The following CDYL variants were observed in gnomAD, a reference collection of about 807,000 sequenced individuals.
CDYL encodes chromodomain Y-like protein.
A neutral mutation model predicts 47.3 loss-of-function variants in CDYL; 8 were observed. That is an observed-to-expected ratio of 0.17 (90% CI 0.10 to 0.31). The LOEUF is 0.31. Among genes scored for constraint, CDYL ranks in the 10% least tolerant of loss-of-function variants. The pLI, the probability that CDYL is intolerant of heterozygous loss-of-function variation, is 1.00. For synonymous variants in CDYL, 266 were observed against 265.0 expected (o/e 1.00, Z -0.04); for missense variants, 471 against 701.4 (o/e 0.67, Z 3.71).
intron 4 of CDYL, 50 bp downstream of exon 4, chr6:4,937,787 G>T (rs1305050976): frequency 1.4e-6 from 2 of 1,479,796 alleles, no homozygotes; most frequent in Non-Finnish European, 1.8e-6. Flanking sequence ...TTTGTTTTTG[G>T]TAAACCAATC....
chr6:4,729,911 G>A (rs1218774709), intron 2 of CDYL, among the ~76,000 whole-genome samples: 2 of 151,872 alleles, frequency 1.3e-5, no homozygotes, highest in African/African-American at 2.4e-5. Flanking sequence ...AAGTGAGACT[G>A]TGTCTCAAAA....
In CDYL at chr6:4,943,770, T is replaced by A. The variant is rs76863107; in HGVS notation, c.1332+14T>A. On this transcript the variant is annotated intron_variant, in intron 5 of 6. Coordinates refer to ENST00000397588, the MANE Select transcript of CDYL (RefSeq NM_004824.4). ...GGAGGAGCATCTGTGAGTACCTTTT[T>A]AAAAAAAAAAAAAAAAAGTCATTCT... is the stretch of plus-strand genomic sequence containing the variant. 29,064 of 1,173,010 alleles carry A rather than the reference T, an allele frequency of 0.025. 487 individuals carry two copies. Among genetic ancestry groups the A allele is most frequent in the African/African-American group, 0.061 (3,914 of 63,672 alleles). 72.7% of individuals were successfully genotyped at this position (1,173,010 alleles called of 1,614,324 possible).
rs1038489050 is a variant in CDYL at position 4,746,289 on chromosome 6, G to A, written c.186+11445G>A. ...TGAGACAGGAGAATCACTTGAACCC[G>A]GGAGGCGGAGGTTGCAATGAACCAA... On this transcript the variant is annotated intron_variant, in intron 3 of 8. Transcript: ENST00000328908. 4.0e-5 allele frequency among the ~76,000 whole-genome samples: 6 copies of A among 151,704 alleles called. No individual in the cohort carries two copies. The East Asian group carries it at 9.7e-4, about 25-fold the overall frequency.
chr6:4,912,800 A>C (rs968841792), intron 2 of CDYL, among the ~76,000 whole-genome samples: 2 of 152,144 alleles, frequency 1.3e-5, no homozygotes, highest in African/African-American at 4.8e-5. Flanking sequence ...CTTATGTGCC[A>C]GCTCAGCTCA....
chr6:4,784,049 CT>C (rs1758689018), intron 1 of CDYL, among the ~76,000 whole-genome samples: 1 of 151,900 alleles, frequency 6.6e-6, no homozygotes, highest in African/African-American at 2.4e-5. Flanking sequence ...GTTTTGTTTT[CT>C]TTTTATGTGC....
intron 1 of CDYL, among the ~76,000 whole-genome samples, chr6:4,826,689 C>T (rs1286282017): frequency 6.6e-6 from 1 of 152,130 alleles, no homozygotes; most frequent in Non-Finnish European, 1.5e-5. Flanking sequence ...TAATTTCTAG[C>T]TTCATTCCAC....
At chr6:4,824,423 C>T (rs772758240) in intron 1 of CDYL, among the ~76,000 whole-genome samples, 1 of 152,176 alleles carries the variant, frequency 6.6e-6, no homozygotes, top group Non-Finnish European at 1.5e-5. Context: ...TAGTCATCCT[C>T]ATAGATTTAA....
intron 1 of CDYL, among the ~76,000 whole-genome samples, chr6:4,845,223 T>G (rs974072326): frequency 6.6e-6 from 1 of 152,240 alleles, no homozygotes; most frequent in African/African-American, 2.4e-5. Context: ...GACAGTTGTT[T>G]GTTGAAAGTT....
chr6:4,950,310 G>A lies in CDYL; in HGVS notation c.1333-1956G>A, dbSNP rs141290694. Among the ~76,000 whole-genome samples, 385 of 152,298 alleles carry A rather than the reference G, an allele frequency of 2.5e-3. 2 individuals carry two copies. The highest frequency in any genetic ancestry group is 8.7e-3 in the African/African-American group (362 of 41,552). Reference sequence around the variant, plus strand: ...AGGCCTGGCGGGGTCGCTTGCCTCCGCTGCCCAAGCTAAGGCTCCACTAAG... The same window carrying A: ...AGGCCTGGCGGGGTCGCTTGCCTCCACTGCCCAAGCTAAGGCTCCACTAAG... On this transcript the variant is annotated intron_variant, in intron 5 of 6. Coordinates refer to ENST00000397588, the MANE Select transcript of CDYL (RefSeq NM_004824.4).
intron 1 of CDYL, among the ~76,000 whole-genome samples, chr6:4,785,015 C>T (rs233480): frequency 0.87 from 131,909 of 152,268 alleles, 57,205 homozygotes; most frequent in East Asian, 0.95. Flanking sequence ...TAATTAAACT[C>T]GTTTCCTTTA....
intron 2 of CDYL, chr6:4,724,480 T>G (rs1216085320): frequency 1.3e-5 from 2 of 152,688 alleles, no homozygotes; most frequent in African/African-American, 4.8e-5. Flanking sequence ...GCGTCCGGAA[T>G]CGGTGGGTTC....
In CDYL at chr6:4,927,004, C is replaced by G. The variant is rs190591339; in HGVS notation, c.692-8511C>G. Among the ~76,000 whole-genome samples, 6 of 152,112 alleles carry G rather than the reference C, an allele frequency of 3.9e-5. No individual in the cohort carries two copies. In the East Asian group the frequency reaches 1.2e-3, roughly 29 times the overall value. On this transcript the variant is annotated intron_variant, in intron 2 of 6. Coordinates refer to ENST00000397588, the MANE Select transcript of CDYL (RefSeq NM_004824.4). ...CAGCTGCTGTGATGCACTTATTGAC[C>G]CGTATTTTTAAAAATCTTCAGAAGC...
intron 1 of CDYL, among the ~76,000 whole-genome samples, chr6:4,884,758 G>A (rs1311007759): frequency 6.6e-6 from 1 of 152,138 alleles, no homozygotes; most frequent in Admixed American, 6.5e-5. Context: ...ATCCTTTCTT[G>A]TAATGTAACC....
chr6:4,925,683 T>C (rs1757852764), intron 2 of CDYL, among the ~76,000 whole-genome samples: 1 of 152,140 alleles, frequency 6.6e-6, no homozygotes, highest in Non-Finnish European at 1.5e-5. Context: ...CCTAAAGTGC[T>C]GGGAACAGGG....
Position 4,776,800 on chromosome 6 carries a change from T to C in CDYL, c.17T>C (p.Leu6Pro). ...CCGCCCACCATGGCTTCCGAGGAGC[T>C]GTACGAGGTACCTCCCCTCCCCCCG... is the stretch of plus-strand genomic sequence containing the variant. Reference protein sequence around the residue: MASEELYEVERIVDKR... With the variant: MASEEPYEVERIVDKR... The change falls in exon 1 of 7, where the codon CTG becomes CCG. Residue 6 changes from leucine to proline, a missense_variant. Physicochemically the swap from Leu to Pro is moderately conservative, Grantham distance 98 (BLOSUM62 -3). Coordinates refer to ENST00000397588, the MANE Select transcript of CDYL (RefSeq NM_004824.4). 1 of 1,111,382 alleles carries C rather than the reference T, an allele frequency of 9.0e-7. No homozygotes were observed. Among genetic ancestry groups the C allele is most frequent in the South Asian group, 2.0e-5 (1 of 49,928 alleles). The allele number at this position is 1,111,382 out of a possible 1,614,324, so 68.8% of individuals were successfully genotyped here. A position where few individuals can be genotyped will look rare whatever the true frequency, so the allele number is the denominator to read the frequency against.
At chr6:4,906,358 A>G (rs866821971) in intron 2 of CDYL, among the ~76,000 whole-genome samples, 1 of 152,242 alleles carries the variant, frequency 6.6e-6, no homozygotes, top group Non-Finnish European at 1.5e-5. Flanking sequence ...ATACCATGAG[A>G]GCATAACGTG....
intron 1 of CDYL, among the ~76,000 whole-genome samples, chr6:4,860,370 T>C (rs1258746143): frequency 6.6e-6 from 1 of 151,774 alleles, no homozygotes; most frequent in South Asian, 2.1e-4. Flanking sequence ...CCCATTCTCC[T>C]AACTACTATG....
chr6:4,855,418 G>A (rs772657197), intron 1 of CDYL, among the ~76,000 whole-genome samples: 4 of 152,174 alleles, frequency 2.6e-5, no homozygotes, highest in Non-Finnish European at 5.9e-5. Context: ...ATCCTCTGGA[G>A]TAGCCGGGAT....
intron 2 of CDYL, among the ~76,000 whole-genome samples, chr6:4,895,180 T>C (rs1171534649): frequency 4.6e-4 from 3 of 6,512 alleles, no homozygotes; most frequent in African/African-American, 4.7e-4. Context: ...TGTATGTATA[T>C]ATGTGTATAT....
Sources: allele counts gnomAD v4.1 joint callset (sites outside exome capture counted in the v4.1 genomes callset), GRCh38; gene constraint gnomAD v4.1.1; transcripts MANE v1.5; gene names NCBI Gene and HGNC (gene_info 2026-07-23, HGNC 2026-07-21).